Variants in PLCB1 observed in about 807,000 individuals in gnomAD.
PLCB1 encodes the protein 1-phosphatidylinositol 4,5-bisphosphate phosphodiesterase beta-1.
In PLCB1, 46 loss-of-function variants were observed where a neutral mutation model predicts 161.8. The ratio of observed to expected loss-of-function variants is 0.28; its 90% CI spans 0.22 to 0.36. PLCB1 has a LOEUF of 0.36. PLCB1 is among the 10% of genes least tolerant of loss of function. PLCB1 has a pLI of 1.00. For synonymous variants in PLCB1, 517 were observed against 503.7 expected (o/e 1.03, Z -0.35); for missense variants, 1,016 against 1,472.5 (o/e 0.69, Z 5.07).
chr20:8,643,660 C>G (rs1051970753), intron 4 of PLCB1, among the ~76,000 whole-genome samples: 1 of 152,096 alleles, frequency 6.6e-6, no homozygotes, highest in East Asian at 1.9e-4. Context: ...GAGGCTGAGG[C>G]GGGTGGATCA....
intron 3 of PLCB1, among the ~76,000 whole-genome samples, chr20:8,523,039 A>G (rs1160009493): frequency 6.6e-6 from 1 of 152,138 alleles, no homozygotes; most frequent in Non-Finnish European, 1.5e-5. Flanking sequence ...GTGGTCCTCA[A>G]TGGAATCGGC....
At chr20:8,513,137 A>C (rs1300479530) in intron 3 of PLCB1, among the ~76,000 whole-genome samples, 1 of 152,226 alleles carries the variant, frequency 6.6e-6, no homozygotes, top group African/African-American at 2.4e-5. Context: ...AAATCTAGAC[A>C]CAAACAAGTA....
At chr20:8,852,772 T>A (rs772004157) in intron 31 of PLCB1, among the ~76,000 whole-genome samples, 1 of 152,256 alleles carries the variant, frequency 6.6e-6, no homozygotes. Context: ...TGTTTTCTTA[T>A]AATATTTACC....
intron 3 of PLCB1, among the ~76,000 whole-genome samples, chr20:8,481,725 T>C (rs2122745617): frequency 6.6e-6 from 1 of 152,332 alleles, no homozygotes; most frequent in South Asian, 2.1e-4. Flanking sequence ...TCCTTCTCTG[T>C]CCTTCACCTG....
intron 3 of PLCB1, among the ~76,000 whole-genome samples, chr20:8,435,713 A>G (rs1022058395): frequency 6.6e-6 from 1 of 152,086 alleles, no homozygotes; most frequent in Non-Finnish European, 1.5e-5. Flanking sequence ...CCAGACTTTA[A>G]CCCAATCTGG....
At chr20:8,634,656 C>T (rs1988704961) in intron 4 of PLCB1, among the ~76,000 whole-genome samples, 1 of 152,210 alleles carries the variant, frequency 6.6e-6, no homozygotes, top group Admixed American at 6.5e-5. Flanking sequence ...TTTAAAACAA[C>T]AAACTCATTC....
intron 31 of PLCB1, among the ~76,000 whole-genome samples, chr20:8,833,918 G>A (rs1179390580): frequency 3.3e-5 from 5 of 151,824 alleles, no homozygotes; most frequent in Non-Finnish European, 7.4e-5. Flanking sequence ...TATTCTCTGT[G>A]GCAGTTATGC....
chr20:8,822,146 C>T (rs886814365), intron 31 of PLCB1, among the ~76,000 whole-genome samples: 4 of 152,004 alleles, frequency 2.6e-5, no homozygotes, highest in Non-Finnish European at 5.9e-5. Context: ...TCTGTTATTT[C>T]TCCAAGCACC....
At chr20:8,404,175 A>G (rs1238232) in intron 3 of PLCB1, among the ~76,000 whole-genome samples, 39,397 of 152,098 alleles carry the variant, frequency 0.26, 5,442 homozygotes, top group East Asian at 0.39. Flanking sequence ...ATTGAAAGCA[A>G]TGGGTTTTGT....
chr20:8,236,388 C>T (rs556240943), intron 2 of PLCB1, among the ~76,000 whole-genome samples: 94 of 152,034 alleles, frequency 6.2e-4, no homozygotes, highest in East Asian at 3.7e-3. Flanking sequence ...AAAAAATTAG[C>T]TATGGGTAGT....
intron 2 of PLCB1, among the ~76,000 whole-genome samples, chr20:8,155,569 A>G (rs1429475931): frequency 1.3e-5 from 2 of 152,246 alleles, no homozygotes; most frequent in Non-Finnish European, 2.9e-5. Flanking sequence ...ATAAATGTCA[A>G]CAAGAAAATC....
rs141558586 is a variant in PLCB1, at chr20:8,190,779, G to C, written c.177+40408G>C. On this transcript the variant is annotated intron_variant, in intron 2 of 31. Coordinates refer to ENST00000338037, the MANE Select transcript of PLCB1 (RefSeq NM_015192.4). The stretch of plus-strand genomic sequence containing the variant: ...TAACTAGAGGCCTGGAGATGTTCAC[G>C]TATTCCTCTAAATGCCCTGGTTTTG... Among the ~76,000 whole-genome samples the C allele has an allele frequency of 5.9e-4, 90 of 152,198 alleles. No individual in the cohort carries two copies. In the Middle Eastern group the frequency reaches 0.01, roughly 17 times the overall value.
At chr20:8,751,940 T>A (rs1221581703) in intron 23 of PLCB1, 2 of 152,154 alleles carry the variant, frequency 1.3e-5, no homozygotes, top group African/African-American at 4.8e-5. Context: ...GATAAGGAAT[T>A]TGGTTTTTGC....
chr20:8,436,321 C>A (rs1212755685), intron 3 of PLCB1, among the ~76,000 whole-genome samples: 1 of 119,192 alleles, frequency 8.4e-6, no homozygotes, highest in Non-Finnish European at 1.7e-5. Context: ...CAGAGTGAGA[C>A]CCTGTCAAAA....
At position 8,881,757 on chromosome 20, in the gene PLCB1, T is replaced by G. The variant is rs1167717692; in HGVS notation, c.3559T>G (p.Ser1187Ala). ...SNHGSAPLSL[S>A]SDPGKVNHKT... ...TCACGGTTCTGCCCCTCTCTCCCTGTCCTCAGACCCTGGAAAAGTGAACCA... is the reference window on the plus strand; with the variant it reads ...TCACGGTTCTGCCCCTCTCTCCCTGGCCTCAGACCCTGGAAAAGTGAACCA... Residue 1187 changes from serine to alanine, a missense_variant, in exon 32 of 32, where the codon TCC (serine) becomes GCC (alanine). Ser to Ala is a moderately conservative substitution (Grantham distance 99). Transcript: ENST00000338037. 1.9e-6 allele frequency: 3 copies of G among 1,614,026 alleles called. No individual in the cohort carries two copies. The highest frequency in any genetic ancestry group is 2.5e-6 in the Non-Finnish European group (3 of 1,179,958).
At chr20:8,666,333 C>G (rs1382682259) in intron 9 of PLCB1, among the ~76,000 whole-genome samples, 1 of 151,984 alleles carries the variant, frequency 6.6e-6, no homozygotes, top group African/African-American at 2.4e-5. Flanking sequence ...TTGGAAGAAC[C>G]CAAACTAAGA....
At chr20:8,397,130 T>A (rs1167893555) in intron 3 of PLCB1, among the ~76,000 whole-genome samples, 1 of 152,092 alleles carries the variant, frequency 6.6e-6, no homozygotes, top group Admixed American at 6.6e-5. Flanking sequence ...AGTGGCAATT[T>A]TGATTCCTTA....
intron 3 of PLCB1, among the ~76,000 whole-genome samples, chr20:8,610,271 A>G (rs183379553): frequency 3.3e-5 from 5 of 152,338 alleles, no homozygotes; most frequent in Admixed American, 3.3e-4. Context: ...TTCACTTAGC[A>G]TAATGTTTTC....
chr20:8,370,703 C>A (rs114257966), intron 2 of PLCB1, among the ~76,000 whole-genome samples: 1 of 152,220 alleles, frequency 6.6e-6, no homozygotes, highest in South Asian at 2.1e-4. Flanking sequence ...TGCTGCCCCC[C>A]AACCATAGTA....
Sources: allele counts gnomAD v4.1 joint callset (sites outside exome capture counted in the v4.1 genomes callset), GRCh38; gene constraint gnomAD v4.1.1; transcripts MANE v1.5; gene names NCBI Gene and HGNC (gene_info 2026-07-23, HGNC 2026-07-21).